The following ARHGAP15 variants were observed in gnomAD, a reference collection of about 807,000 sequenced individuals.
The protein encoded by ARHGAP15 is rho GTPase-activating protein 15.
Under a neutral mutation model 63.7 loss-of-function variants are expected in ARHGAP15, and 51 were observed. That is an observed-to-expected ratio of 0.80 (90% CI 0.64 to 1.01). ARHGAP15 has a LOEUF of 1.01. Ranked by LOEUF, ARHGAP15 falls within the 50% of genes least tolerant of loss-of-function variation. The probability of loss-of-function intolerance (pLI) is 0.00; values close to 1 mark genes in which losing one functional copy is unlikely to be tolerated. For missense variants in ARHGAP15, 560 were observed against 564.6 expected (o/e 0.99, Z 0.08); for synonymous variants, 191 against 193.8 (o/e 0.99, Z 0.12).
At chr2:143,266,160 A>G (rs992295582) in intron 6 of ARHGAP15, among the ~76,000 whole-genome samples, 7 of 152,140 alleles carry the variant, frequency 4.6e-5, no homozygotes, top group African/African-American at 1.7e-4. Flanking sequence ...AGGAAACTGA[A>G]TAACAGTCAA....
At chr2:143,371,049 A>G (rs28590702) in intron 6 of ARHGAP15, among the ~76,000 whole-genome samples, 22,564 of 151,950 alleles carry the variant, frequency 0.15, 1,919 homozygotes, top group Non-Finnish European at 0.17. Context: ...GTTTTTATTT[A>G]TTGTTGTTTG....
At chr2:143,455,926 G>A (rs957916124) in intron 8 of ARHGAP15, among the ~76,000 whole-genome samples, 10 of 152,040 alleles carry the variant, frequency 6.6e-5, no homozygotes, top group African/African-American at 2.2e-4. Flanking sequence ...GGCCCTAGGA[G>A]GGAGGATCTG....
intron 2 of ARHGAP15, among the ~76,000 whole-genome samples, chr2:143,192,795 C>G (rs1364908441): frequency 6.6e-6 from 1 of 152,144 alleles, no homozygotes; most frequent in South Asian, 2.1e-4. Flanking sequence ...ATTTATTTCC[C>G]TTGCTGTTGT....
intron 11 of ARHGAP15, among the ~76,000 whole-genome samples, chr2:143,560,455 A>G (rs1043434358): frequency 1.3e-5 from 2 of 152,232 alleles, no homozygotes; most frequent in African/African-American, 4.8e-5. Flanking sequence ...TCCTAATGTC[A>G]TACAGCATAT....
chr2:143,272,759 C>T (rs924803029), intron 6 of ARHGAP15, among the ~76,000 whole-genome samples: 11 of 152,126 alleles, frequency 7.2e-5, no homozygotes, highest in African/African-American at 2.4e-4. Context: ...AACTGCCAAT[C>T]GATATTCTTG....
Position 143,615,877 on chromosome 2 carries a change from G to T in ARHGAP15, c.1004-8256G>T, listed in dbSNP as rs367944227. ...ATTCAGAATCTGTTTGGAGAAGATG[G>T]TTAAATAAAAAGAACCATTGTGTAC... On this transcript the variant is annotated intron_variant, in intron 11 of 13. Transcript: ENST00000295095. Among the ~76,000 whole-genome samples the T allele has an allele frequency of 1.6e-4, 24 of 152,236 alleles. No individual in the cohort carries two copies. In the East Asian group the frequency reaches 4.2e-3, roughly 27 times the overall value.
chr2:143,223,879 T>C (rs1275028160), intron 4 of ARHGAP15, among the ~76,000 whole-genome samples: 1 of 152,204 alleles, frequency 6.6e-6, no homozygotes, highest in Non-Finnish European at 1.5e-5. Context: ...CTTACTGGGC[T>C]TCAGTTTTCT....
chr2:143,689,387 T>G (rs1367117970), intron 12 of ARHGAP15, among the ~76,000 whole-genome samples: 1 of 152,164 alleles, frequency 6.6e-6, no homozygotes, highest in Non-Finnish European at 1.5e-5. Flanking sequence ...AAGTAGCTTC[T>G]TAATTGTCTA....
At chr2:143,582,963 G>A (rs1363036487) in intron 11 of ARHGAP15, among the ~76,000 whole-genome samples, 2 of 152,168 alleles carry the variant, frequency 1.3e-5, no homozygotes, top group African/African-American at 4.8e-5. Context: ...TTTCTTCAGG[G>A]ATATGGGAAC....
At chr2:143,413,966 T>TGTGTGCACGCGCGCGCGCGCGC in intron 6 of ARHGAP15, among the ~76,000 whole-genome samples, 2 of 117,910 alleles carry the variant, frequency 1.7e-5, no homozygotes, top group African/African-American at 7.1e-5. Context: ...TGTGTGTGTG[T>TGTGTGCACGCGCGCGCGCGCGC]GCGCGCTCTC....
chr2:143,261,621 T>C (rs1306960609), intron 6 of ARHGAP15, among the ~76,000 whole-genome samples: 2 of 152,058 alleles, frequency 1.3e-5, no homozygotes, highest in African/African-American at 4.8e-5. Context: ...GTGCTGGGAT[T>C]ACAGGCCTAA....
At chr2:143,241,877 A>T (rs934193257) in intron 5 of ARHGAP15, among the ~76,000 whole-genome samples, 2 of 152,186 alleles carry the variant, frequency 1.3e-5, no homozygotes, top group African/African-American at 4.8e-5. Context: ...TGGTACAGGG[A>T]TGTTACCATG....
At chr2:143,471,316 TACTG>T (rs1191550103) in intron 8 of ARHGAP15, among the ~76,000 whole-genome samples, 1 of 149,428 alleles carries the variant, frequency 6.7e-6, no homozygotes, top group Non-Finnish European at 1.5e-5. Context: ...TGCACACACA[TACTG>T]AGCACTTTTT....
At chr2:143,245,821 G>A (rs529885110) in intron 5 of ARHGAP15, among the ~76,000 whole-genome samples, 3 of 152,246 alleles carry the variant, frequency 2.0e-5, no homozygotes, top group African/African-American at 7.2e-5. Flanking sequence ...GGCAAAGCAG[G>A]ACATGCCTTG....
chr2:143,667,583 A>T (rs1398697560), intron 12 of ARHGAP15, among the ~76,000 whole-genome samples: 2 of 19,016 alleles, frequency 1.1e-4, no homozygotes, highest in African/African-American at 3.4e-4. Context: ...AAAAAAAATT[A>T]AAAAAAAAAA....
intron 6 of ARHGAP15, among the ~76,000 whole-genome samples, chr2:143,332,198 A>C (rs1684578808): frequency 1.3e-5 from 2 of 152,304 alleles, no homozygotes; most frequent in South Asian, 4.1e-4. Context: ...CTGGTTATAC[A>C]AATACATTAT....
intron 9 of ARHGAP15, among the ~76,000 whole-genome samples, chr2:143,509,086 G>T (rs901302603): frequency 1.3e-5 from 2 of 152,174 alleles, no homozygotes; most frequent in African/African-American, 4.8e-5. Context: ...TTTGAAAGCT[G>T]CAGCAACTCC....
chr2:143,307,676 GAA>G (rs569717118), intron 6 of ARHGAP15, among the ~76,000 whole-genome samples: 1 of 151,670 alleles, frequency 6.6e-6, no homozygotes, highest in Non-Finnish European at 1.5e-5. Context: ...TCATTCAAAC[GAA>G]AAAAAATTTC....
At chr2:143,202,045 T>A (rs1195772727) in intron 2 of ARHGAP15, 89 bp from the exon 3 acceptor site, 1 of 975,056 alleles carries the variant, frequency 1.0e-6, no homozygotes, top group Admixed American at 1.8e-5. Context: ...CATGCTTGAA[T>A]AACACTGAAT....
Sources: allele counts gnomAD v4.1 joint callset (sites outside exome capture counted in the v4.1 genomes callset), GRCh38; gene constraint gnomAD v4.1.1; transcripts MANE v1.5; gene names NCBI Gene and HGNC (gene_info 2026-07-23, HGNC 2026-07-21).